PBRM1: variants seen among roughly 807,000 people sequenced by gnomAD.
PBRM1 encodes protein polybromo-1.
A neutral mutation model predicts 194.5 loss-of-function variants in PBRM1; 27 were observed. The observed-to-expected ratio is 0.14, with a 90% CI of 0.10 to 0.19. The LOEUF (loss-of-function observed/expected upper bound fraction) is 0.19, where lower values mean the gene tolerates loss of function less well. Ranked by LOEUF, PBRM1 falls within the 10% of genes least tolerant of loss-of-function variation. The pLI is 1.00. For missense variants in PBRM1, 1,466 were observed against 2,077.2 expected (o/e 0.71, Z 5.72); for synonymous variants, 655 against 693.2 (o/e 0.94, Z 0.87).
chr3:52,610,430 TACAA>T (rs1174508686), intron 15 of PBRM1, among the ~76,000 whole-genome samples: 3 of 152,196 alleles, frequency 2.0e-5, no homozygotes, highest in Admixed American at 6.5e-5. Context: ...CTGAAAATCG[TACAA>T]ACAATGACTA....
At chr3:52,658,075 G>A in intron 5 of PBRM1, 124 bp downstream of exon 6, 1 of 616,398 alleles carries the variant, frequency 1.6e-6, no homozygotes, top group East Asian at 2.9e-5. Context: ...TTACAGGCAT[G>A]AGCCACCACA....
chr3:52,643,177 T>C (rs1408572271), intron 9 of PBRM1, 71 bp downstream of exon 10: 7 of 1,050,202 alleles, frequency 6.7e-6, no homozygotes, highest in Non-Finnish European at 1.0e-5. Context: ...AAGATAGCCA[T>C]TGGGCAAATA....
chr3:52,684,310 TAACAATCA>T (rs1425045833), upstream of PBRM1, among the ~76,000 whole-genome samples: 1 of 151,940 alleles, frequency 6.6e-6, no homozygotes, highest in African/African-American at 2.4e-5. Context: ...TTCAAAAGTC[TAACAATCA>T]ATAATTTATA....
chr3:52,565,868 G>C (rs1198560955), intron 22 of PBRM1, among the ~76,000 whole-genome samples: 1 of 152,040 alleles, frequency 6.6e-6, no homozygotes, highest in African/African-American at 2.4e-5. Context: ...GGCTAACACG[G>C]TGAAACCCCG....
intron 26 of PBRM1, among the ~76,000 whole-genome samples, chr3:52,556,750 C>T (rs2082297297): frequency 6.6e-6 from 1 of 152,094 alleles, no homozygotes; most frequent in African/African-American, 2.4e-5. Flanking sequence ...GCAGGGTTCC[C>T]CATGAGGACC....
chr3:52,581,550 G>C (rs1379010607), intron 20 of PBRM1, among the ~76,000 whole-genome samples: 1 of 150,958 alleles, frequency 6.6e-6, no homozygotes, highest in African/African-American at 2.4e-5. Context: ...TGACAGGCAA[G>C]GGACATCTGA....
upstream of PBRM1, chr3:52,681,364 TG>T (rs2097202062): frequency 6.6e-6 from 1 of 152,160 alleles, no homozygotes; most frequent in Non-Finnish European, 1.5e-5. Flanking sequence ...ACCACGATGA[TG>T]TTCCTTACTC....
chr3:52,593,807 C>T (rs1576358823), intron 17 of PBRM1, among the ~76,000 whole-genome samples: 2 of 151,972 alleles, frequency 1.3e-5, no homozygotes, highest in South Asian at 2.1e-4. Flanking sequence ...GTATAATTTT[C>T]CTTCTTTTGC....
chr3:52,617,067 G>A (rs1465224057), intron 14 of PBRM1, among the ~76,000 whole-genome samples, 195 bp downstream of exon 16: 1 of 152,162 alleles, frequency 6.6e-6, no homozygotes, highest in Admixed American at 6.5e-5. Context: ...TAGGATGTCA[G>A]ATTACAAAGT....
intron 3 of PBRM1, among the ~76,000 whole-genome samples, chr3:52,666,371 C>T (rs1196903229): frequency 6.6e-6 from 1 of 151,936 alleles, no homozygotes; most frequent in Non-Finnish European, 1.5e-5. Context: ...GGCAAAACCA[C>T]GTAAAAATAC....
chr3:52,617,396 T>C, exon 14 of PBRM1: 4 of 1,614,130 alleles, frequency 2.5e-6, no homozygotes, highest in Non-Finnish European at 3.4e-6. Context: ...GGCTCCAAGA[T>C]GATTTTATAA....
intron 3 of PBRM1, among the ~76,000 whole-genome samples, chr3:52,666,153 T>C (rs985833555): frequency 7.2e-5 from 11 of 152,190 alleles, no homozygotes; most frequent in Non-Finnish European, 1.5e-4. Context: ...AGGTGGTGTG[T>C]ACCTGCAGTC....
exon 24 of PBRM1, chr3:52,563,411 C>T: frequency 6.2e-7 from 1 of 1,614,046 alleles, no homozygotes; most frequent in Non-Finnish European, 8.5e-7. Flanking sequence ...TCTCCACCTT[C>T]TAACTCGGCA....
At chr3:52,590,299 A>G (rs542745224) in intron 17 of PBRM1, among the ~76,000 whole-genome samples, 246 of 152,096 alleles carry the variant, frequency 1.6e-3, no homozygotes, top group Non-Finnish European at 2.8e-3. Context: ...TACTAAAAAT[A>G]TTAAAAAATT....
chr3:52,579,247 A>G, intron 20 of PBRM1, 48 bp from the exon 23 acceptor site: 1 of 1,542,950 alleles, frequency 6.5e-7, no homozygotes, highest in South Asian at 1.1e-5. Flanking sequence ...TAATCAAGGA[A>G]TAGAGAAGGT....
At chr3:52,635,858 A>G (rs1479506678) in intron 10 of PBRM1, among the ~76,000 whole-genome samples, 1 of 151,872 alleles carries the variant, frequency 6.6e-6, no homozygotes, top group African/African-American at 2.4e-5. Flanking sequence ...ATTCTTTTTT[A>G]TTTATTTCTT....
chr3:52,548,429 A>T (rs899961177), intron 29 of PBRM1, among the ~76,000 whole-genome samples, 194 bp from the exon 32 acceptor site: 37 of 145,658 alleles, frequency 2.5e-4, no homozygotes, highest in African/African-American at 8.5e-4. Context: ...TTGATCATAA[A>T]TTTTTTTTTT....
chr3:52,574,697 G>A (rs556408964), intron 22 of PBRM1, among the ~76,000 whole-genome samples: 92 of 152,344 alleles, frequency 6.0e-4, no homozygotes, highest in African/African-American at 2.0e-3. Context: ...CTCTGCACAA[G>A]TAGGAAGTAA....
chr3:52,604,421 C>A (rs1424454392), intron 16 of PBRM1, among the ~76,000 whole-genome samples: 2 of 152,200 alleles, frequency 1.3e-5, no homozygotes, highest in Non-Finnish European at 1.5e-5. Flanking sequence ...AATAAAGCGG[C>A]CAGGCATGGT....
Sources: gnomAD v4.1 joint callset for allele counts (sites outside exome capture counted in the v4.1 genomes callset) on GRCh38, gnomAD v4.1.1 for gene constraint, MANE v1.5 for transcripts, NCBI Gene and HGNC (gene_info 2026-07-23, HGNC 2026-07-21) for gene names.